EIF3H: variants seen among roughly 807,000 people sequenced by gnomAD.
The protein encoded by EIF3H is eIF-3-gamma.
A neutral mutation model predicts 44.2 loss-of-function variants in EIF3H; 26 were observed. The observed-to-expected ratio is 0.59, with a 90% CI of 0.43 to 0.82. EIF3H has a LOEUF of 0.82. EIF3H is among the 40% of genes least tolerant of loss of function. The pLI, the probability that EIF3H is intolerant of heterozygous loss-of-function variation, is 0.00. For missense variants in EIF3H, 359 were observed against 432.8 expected, an observed-to-expected ratio of 0.83 and a Z score of 1.51; for synonymous variants, 166 against 151.9, an observed-to-expected ratio of 1.09 and a Z score of -0.68.
chr8:116,716,349 A>C (rs13264928), intron 2 of EIF3H, among the ~76,000 whole-genome samples: 6 of 151,744 alleles, frequency 4.0e-5, no homozygotes, highest in African/African-American at 1.5e-4. Context: ...ACAACTTAAT[A>C]TGTGTTTTCT....
At chr8:116,714,255 C>T (rs1158821912) in intron 2 of EIF3H, among the ~76,000 whole-genome samples, 1 of 152,084 alleles carries the variant, frequency 6.6e-6, no homozygotes, top group Non-Finnish European at 1.5e-5. Flanking sequence ...TTAACAGTTT[C>T]TTAAAATTGC....
chr8:116,649,211 C>A (rs1728256267), intron 5 of EIF3H, among the ~76,000 whole-genome samples: 1 of 152,176 alleles, frequency 6.6e-6, no homozygotes, highest in Admixed American at 6.5e-5. Context: ...CCTAGTGAGA[C>A]ATCTATAATA....
chr8:116,698,681 C>A (rs765279996), intron 2 of EIF3H, among the ~76,000 whole-genome samples: 1 of 152,192 alleles, frequency 6.6e-6, no homozygotes, highest in South Asian at 2.1e-4. Flanking sequence ...GGCATCCTTG[C>A]CCATGCCATA....
At chr8:116,652,171 C>T (rs1186147313) in intron 5 of EIF3H, among the ~76,000 whole-genome samples, 2 of 152,158 alleles carry the variant, frequency 1.3e-5, no homozygotes, top group Non-Finnish European at 2.9e-5. Flanking sequence ...GTTTCACAGG[C>T]TCCTAGGAAA....
Position 116,643,423 on chromosome 8 carries a change from G to T in EIF3H, c.*1583C>A, listed in dbSNP as rs985569980. The T allele has an allele frequency of 8.5e-5, 13 of 152,102 alleles. No homozygotes were observed. Among genetic ancestry groups the T allele is most frequent in the African/African-American group, 3.1e-4 (13 of 41,402 alleles). 9.4% of individuals were successfully genotyped at this position (152,102 alleles called of 1,614,324 possible). On this transcript the variant is annotated 3_prime_UTR_variant, in exon 8 of 8. Coordinates refer to ENST00000521861, the MANE Select transcript of EIF3H (RefSeq NM_003756.3). ...AGTACTTGGATTCTAGAATGTTCTA[G>T]GCCCTGAGCTTTTTAAAGTAAAACC...
intron 2 of EIF3H, among the ~76,000 whole-genome samples, chr8:116,724,862 TA>T (rs572653114): frequency 2.0e-5 from 3 of 152,002 alleles, no homozygotes; most frequent in Admixed American, 6.6e-5. Context: ...CAGCTGCTAT[TA>T]AAAAAAACAT....
In EIF3H at chr8:116,644,505, T is replaced by G. The variant is rs906656243; in HGVS notation, c.*501A>C. 6.5e-6 allele frequency: 1 copy of G among 154,206 alleles called. No homozygotes were observed. The highest frequency in any genetic ancestry group is 2.4e-5 in the African/African-American group (1 of 41,514). The allele number at this position is 154,206 out of a possible 1,614,324, so 9.6% of individuals were successfully genotyped here. A position where few individuals can be genotyped will look rare whatever the true frequency, so the allele number is the denominator to read the frequency against. On this transcript the variant is annotated 3_prime_UTR_variant, in exon 8 of 8. Transcript: ENST00000521861. The stretch of plus-strand genomic sequence containing the variant: ...ACTGACCGGAATTAGGCCAAGTGAT[T>G]CCGGGTCCGGGGACAAGGAATTCCT...
intron 2 of EIF3H, among the ~76,000 whole-genome samples, chr8:116,715,945 C>T (rs1271754736): frequency 6.6e-6 from 1 of 151,978 alleles, no homozygotes; most frequent in South Asian, 2.1e-4. Context: ...AATTATTTCA[C>T]TTTCAACTAG....
chr8:116,731,659 T>C lies in EIF3H; in HGVS notation c.133-5487A>G, dbSNP rs542924366. ...CCTAGTTGGAACAATCTCTACAGCATATAAACAAGAGGGAAGGTAATACCA... is the reference window on the plus strand; with the variant it reads ...CCTAGTTGGAACAATCTCTACAGCACATAAACAAGAGGGAAGGTAATACCA... On this transcript the variant is annotated intron_variant, in intron 1 of 7. Coordinates refer to ENST00000521861, the MANE Select transcript of EIF3H (RefSeq NM_003756.3). Among the ~76,000 whole-genome samples, 18 of 152,246 alleles carry C rather than the reference T, an allele frequency of 1.2e-4. No homozygotes were observed. In the East Asian group the frequency reaches 3.5e-3, roughly 29 times the overall value.
At chr8:116,733,571 TAA>T (rs1254432167) in intron 1 of EIF3H, among the ~76,000 whole-genome samples, 1 of 151,792 alleles carries the variant, frequency 6.6e-6, no homozygotes, top group African/African-American at 2.4e-5. Context: ...GAACAAAGAC[TAA>T]AGATATTTCA....
chr8:116,724,157 G>A (rs1239365939), intron 2 of EIF3H, among the ~76,000 whole-genome samples: 1 of 152,130 alleles, frequency 6.6e-6, no homozygotes, highest in African/African-American at 2.4e-5. Flanking sequence ...TGGCATATAT[G>A]GTGTCAAGTG....
intron 1 of EIF3H, among the ~76,000 whole-genome samples, chr8:116,761,792 C>G (rs1336861584): frequency 2.6e-5 from 4 of 152,182 alleles, no homozygotes; most frequent in African/African-American, 9.7e-5. Flanking sequence ...TGTCATTTGA[C>G]CTGAAAGAAG....
intron 4 of EIF3H, among the ~76,000 whole-genome samples, chr8:116,656,928 C>T (rs1049463150): frequency 2.0e-5 from 3 of 152,316 alleles, no homozygotes; most frequent in Admixed American, 6.5e-5. Context: ...ACTGATCACT[C>T]TTTCCACCTC....
chr8:116,674,968 T>C (rs990486867), intron 2 of EIF3H, among the ~76,000 whole-genome samples: 1 of 152,248 alleles, frequency 6.6e-6, no homozygotes, highest in African/African-American at 2.4e-5. Flanking sequence ...AACAAAGTGC[T>C]ACTTTGAACA....
intron 2 of EIF3H, among the ~76,000 whole-genome samples, chr8:116,686,003 C>T (rs1814069031): frequency 6.6e-6 from 1 of 152,156 alleles, no homozygotes; most frequent in South Asian, 2.1e-4. Context: ...ACACTATCAG[C>T]TACTTCCATT....
At chr8:116,730,654 T>A (rs963544185) in intron 1 of EIF3H, among the ~76,000 whole-genome samples, 1 of 152,238 alleles carries the variant, frequency 6.6e-6, no homozygotes, top group Non-Finnish European at 1.5e-5. Flanking sequence ...AAGTATCTTT[T>A]AATAGAGACA....
At chr8:116,691,615 C>T (rs1814175668) in intron 2 of EIF3H, among the ~76,000 whole-genome samples, 1 of 151,826 alleles carries the variant, frequency 6.6e-6, no homozygotes, top group Non-Finnish European at 1.5e-5. Flanking sequence ...TGGTTCACAC[C>T]TGTAATCCCA....
chr8:116,727,737 C>T (rs1170684945), intron 1 of EIF3H, among the ~76,000 whole-genome samples: 8 of 152,114 alleles, frequency 5.3e-5, no homozygotes. Context: ...TACTTTCATT[C>T]CCACATTATT....
chr8:116,732,015 T>G (rs982800261), intron 1 of EIF3H, among the ~76,000 whole-genome samples: 3 of 152,218 alleles, frequency 2.0e-5, no homozygotes, highest in African/African-American at 7.2e-5. Context: ...CCCAGATTTC[T>G]GAAGTTTACA....
Sources: allele counts gnomAD v4.1 joint callset (sites outside exome capture counted in the v4.1 genomes callset), GRCh38; gene constraint gnomAD v4.1.1; transcripts MANE v1.5; gene names NCBI Gene and HGNC (gene_info 2026-07-23, HGNC 2026-07-21).